Variants in MAGI1 observed in about 807,000 individuals in gnomAD.
MAGI1 encodes the protein membrane-associated guanylate kinase, WW and PDZ domain-containing protein 1.
A neutral mutation model predicts 139.9 loss-of-function variants in MAGI1; 58 were observed. The observed-to-expected ratio is 0.41, with a 90% CI of 0.34 to 0.52. The LOEUF is 0.52. Among genes scored for constraint, MAGI1 ranks in the 20% least tolerant of loss-of-function variants. The pLI, the probability that MAGI1 is intolerant of heterozygous loss-of-function variation, is 0.12. For missense variants in MAGI1, 1,874 were observed against 1,901.6 expected, an observed-to-expected ratio of 0.99 and a Z score of 0.27; for synonymous variants, 812 against 737.9, an observed-to-expected ratio of 1.10 and a Z score of -1.63.
At chr3:65,487,743 T>A (rs1159102546) in intron 3 of MAGI1, among the ~76,000 whole-genome samples, 1 of 152,162 alleles carries the variant, frequency 6.6e-6, no homozygotes, top group African/African-American at 2.4e-5. Flanking sequence ...CTGCATAACA[T>A]CCTCTTTGGG....
intron 1 of MAGI1, among the ~76,000 whole-genome samples, chr3:65,974,631 T>C (rs2107212717): frequency 6.6e-6 from 1 of 152,266 alleles, no homozygotes; most frequent in South Asian, 2.1e-4. Flanking sequence ...TTAGTGGGGC[T>C]GCAGTCATCT....
At chr3:65,771,620 A>G (rs1277884877) in intron 1 of MAGI1, among the ~76,000 whole-genome samples, 1 of 152,228 alleles carries the variant, frequency 6.6e-6, no homozygotes, top group Admixed American at 6.5e-5. Flanking sequence ...GTTATTTGCT[A>G]TTTAGCTTAT....
At chr3:65,712,305 G>A (rs1416455313) in intron 1 of MAGI1, among the ~76,000 whole-genome samples, 1 of 151,996 alleles carries the variant, frequency 6.6e-6, no homozygotes, top group Non-Finnish European at 1.5e-5. Flanking sequence ...GAGCCGCACA[G>A]GGAGGCCATG....
intron 1 of MAGI1, among the ~76,000 whole-genome samples, chr3:65,769,956 G>C (rs2037816497): frequency 6.6e-6 from 1 of 152,144 alleles, no homozygotes; most frequent in East Asian, 1.9e-4. Context: ...GTATCCAACA[G>C]GGCCCTTGGG....
At chr3:65,489,807 T>C (rs551171253) in intron 3 of MAGI1, among the ~76,000 whole-genome samples, 3 of 152,346 alleles carry the variant, frequency 2.0e-5, no homozygotes, top group South Asian at 2.1e-4. Flanking sequence ...TTAATAGTGG[T>C]TACCTATATG....
In MAGI1 at chr3:65,426,491, C is replaced by T. The variant is rs551562415; in HGVS notation, c.2167+3029G>A. Among the ~76,000 whole-genome samples the T allele has an allele frequency of 2.0e-5, 3 of 152,290 alleles. No homozygotes were observed. In the East Asian group the frequency reaches 5.8e-4, roughly 29 times the overall value. ...AGCATAGAAAGCCACAACCTCACGA[C>T]AGGAATTCCTGAGACTCATGGAACA... On this transcript the variant is annotated intron_variant, in intron 12 of 22. Transcript: ENST00000402939.
chr3:65,701,207 ATAGATTATC>A lies in MAGI1; in HGVS notation c.314-79128_314-79120del, dbSNP rs200307177. On this transcript the variant is annotated intron_variant, in intron 1 of 22. Transcript: ENST00000402939. ...ACTAATGAAAAAAACTGATGTACCA[ATAGATTATC>A]TAAAATTCTCATAAAAGAAAAGCTC... Among the ~76,000 whole-genome samples, 596 of 152,338 alleles carry A rather than the reference ATAGATTATC, an allele frequency of 3.9e-3. 4 individuals carry two copies. Among genetic ancestry groups the A allele is most frequent in the African/African-American group, 0.014 (567 of 41,558 alleles).
In MAGI1 at chr3:66,038,379, C is replaced by A. The variant is rs1254759174; in HGVS notation, c.-71G>T. The A allele has an allele frequency of 4.0e-6, 6 of 1,496,480 alleles. No homozygotes were observed. The Admixed American group carries it at 1.1e-4, about 29-fold the overall frequency. 92.7% of individuals were successfully genotyped at this position (1,496,480 alleles called of 1,614,324 possible). ...GCCCCCCACAGCACGAGCCCCCAAG[C>A]CTCCGCTTGTTCATGGGAGAAACAT... On this transcript the variant is annotated 5_prime_UTR_variant, in exon 1 of 23. Transcript: ENST00000402939.
At chr3:65,892,016 C>A (rs1368597042) in intron 1 of MAGI1, among the ~76,000 whole-genome samples, 1 of 143,622 alleles carries the variant, frequency 7.0e-6, no homozygotes, top group East Asian at 2.0e-4. Flanking sequence ...TGAGATACAC[C>A]CCCTCCCATA....
chr3:65,846,976 C>CAAAAAAAAAAAAAAAAAAAAAAAAAAAA (rs58391331), intron 1 of MAGI1, among the ~76,000 whole-genome samples: 2 of 80,988 alleles, frequency 2.5e-5, no homozygotes, highest in African/African-American at 4.9e-5. Context: ...CAATGTCTTA[C>CAAAAAAAAAAAAAAAAAAAAAAAAAAAA]AAAAAAAAAA....
chr3:65,538,710 A>G lies in MAGI1; in HGVS notation c.431-45079T>C, dbSNP rs191148454. On this transcript the variant is annotated intron_variant, in intron 2 of 22. Transcript: ENST00000402939. ...TCATCTAACCCTCAGAGCAACATTA[A>G]TATCCACACCAGACGGACAGGAAGG... Among the ~76,000 whole-genome samples, 23 of 152,258 alleles carry G rather than the reference A, an allele frequency of 1.5e-4. No individual in the cohort carries two copies. In the East Asian group the frequency reaches 2.5e-3, roughly 17 times the overall value.
At chr3:65,889,959 C>A (rs1304236971) in intron 1 of MAGI1, among the ~76,000 whole-genome samples, 1 of 152,214 alleles carries the variant, frequency 6.6e-6, no homozygotes, top group African/African-American at 2.4e-5. Flanking sequence ...CCAAAGCACA[C>A]AAGCAAGCTT....
chr3:65,485,830 C>A (rs1479625562), intron 3 of MAGI1, among the ~76,000 whole-genome samples: 1 of 151,762 alleles, frequency 6.6e-6, no homozygotes, highest in East Asian at 1.9e-4. Context: ...CATTTAAATA[C>A]AGATTAGTCT....
At chr3:65,499,119 G>A in intron 2 of MAGI1, 1 of 777,680 alleles carries the variant, frequency 1.3e-6, no homozygotes, top group African/African-American at 1.9e-5. Context: ...TCAACTCCAC[G>A]ATTTGTTTTA....
intron 22 of MAGI1, among the ~76,000 whole-genome samples, chr3:65,358,690 GCAAAGAGA>G (rs1940468326): frequency 6.6e-6 from 1 of 152,178 alleles, no homozygotes; most frequent in Non-Finnish European, 1.5e-5. Flanking sequence ...ACTGCAGTTT[GCAAAGAGA>G]TACCTGACCA....
intron 1 of MAGI1, among the ~76,000 whole-genome samples, chr3:65,983,641 C>T (rs1222006783): frequency 6.6e-6 from 1 of 151,712 alleles, no homozygotes; most frequent in Admixed American, 6.6e-5. Context: ...AAGTCATTTC[C>T]CCACCCCTCC....
rs756817917 is a variant in MAGI1 at position 65,430,659 on chromosome 3, T to C, written c.1546+40A>G. 8.8e-6 allele frequency: 14 copies of C among 1,585,192 alleles called. 1 individual carries two copies. The East Asian group carries it at 3.2e-4, about 36-fold the overall frequency. On this transcript the variant is annotated intron_variant, in intron 11 of 22. Coordinates refer to ENST00000402939, the MANE Select transcript of MAGI1 (RefSeq NM_001033057.2). ...CACATGTTTATCTCCTGGATTGGAG[T>C]CTCACCACACAGAACACACTAAGGC...
At chr3:65,752,028 G>C (rs1169824300) in intron 1 of MAGI1, among the ~76,000 whole-genome samples, 1 of 152,110 alleles carries the variant, frequency 6.6e-6, no homozygotes, top group Admixed American at 6.5e-5. Flanking sequence ...CTGCAGCCTT[G>C]ACTTCCCAGG....
chr3:66,026,039 TTTTTTTTTTTAACAACTTGATCTTG>T (rs1277099003), intron 1 of MAGI1, among the ~76,000 whole-genome samples: 3 of 147,870 alleles, frequency 2.0e-5, no homozygotes, highest in Non-Finnish European at 4.5e-5. Context: ...GGAGAAAGCT[TTTTTTTTTTTAACAACTTGATCTTG>T]AGTTCTGAAT....
Sources: gnomAD v4.1 joint callset for allele counts (sites outside exome capture counted in the v4.1 genomes callset) on GRCh38, gnomAD v4.1.1 for gene constraint, MANE v1.5 for transcripts, NCBI Gene and HGNC (gene_info 2026-07-23, HGNC 2026-07-21) for gene names.